DNAH11: variants seen among roughly 807,000 people sequenced by gnomAD.
The protein encoded by DNAH11 is dynein axonemal heavy chain 11.
Under a neutral mutation model 526.0 loss-of-function variants are expected in DNAH11, and 442 were observed. The observed-to-expected ratio is 0.84, with a 90% CI of 0.78 to 0.91. The LOEUF (loss-of-function observed/expected upper bound fraction) is 0.91, where lower values mean the gene tolerates loss of function less well. DNAH11 is among the 40% of genes least tolerant of loss of function. DNAH11 has a pLI of 0.00. For synonymous variants in DNAH11, 2,461 were observed against 1,935.9 expected (o/e 1.27, Z -7.12); for missense variants, 6,989 against 5,448.7 (o/e 1.28, Z -8.90).
At chr7:21,795,891 G>A (rs1489528980) in intron 61 of DNAH11, among the ~76,000 whole-genome samples, 1 of 152,122 alleles carries the variant, frequency 6.6e-6, no homozygotes, top group Non-Finnish European at 1.5e-5. Flanking sequence ...GTTTCCTCTT[G>A]AATCCAGTCT....
intron 2 of DNAH11, 110 bp from the exon 3 acceptor site, chr7:21,558,692 T>C: frequency 3.3e-6 from 2 of 607,414 alleles, no homozygotes; most frequent in Non-Finnish European, 5.2e-6. Context: ...TTTGATATCA[T>C]TGGATATTTA....
chr7:21,856,478 G>T (rs557291513), intron 68 of DNAH11, among the ~76,000 whole-genome samples: 6 of 152,284 alleles, frequency 3.9e-5, no homozygotes, highest in Admixed American at 1.3e-4. Context: ...TAAATCATCA[G>T]TGTCAGCCCA....
intron 32 of DNAH11, 29 bp from the exon 33 acceptor site, chr7:21,687,068 CTG>C: frequency 6.3e-7 from 1 of 1,589,100 alleles, no homozygotes; most frequent in African/African-American, 1.3e-5. Context: ...TCATATTAGA[CTG>C]TGATGTTTGT....
In DNAH11 at chr7:21,606,521, G is replaced by C; in HGVS notation, c.3744G>C (p.Arg1248Ser). 6.2e-7 allele frequency: 1 copy of C among 1,608,300 alleles called. No individual in the cohort carries two copies. Among genetic ancestry groups the C allele is most frequent in the Non-Finnish European group, 8.5e-7 (1 of 1,178,556 alleles). Reference sequence around the variant, plus strand: ...ATAATGCGGAAGTCACTCTTATAAGGAAAAAATGTATTTTGTTTGACGTAA... The same window carrying C: ...ATAATGCGGAAGTCACTCTTATAAGCAAAAAATGTATTTTGTTTGACGTAA... ...PLHNAEVTLIRKKCILFDAKQ... is the reference protein window; with the variant it reads ...PLHNAEVTLISKKCILFDAKQ... Residue 1248 changes from arginine to serine, a missense_variant, in exon 19 of 82, where the codon AGG becomes AGC. By Grantham distance (110) the Arg-to-Ser change is moderately radical. Coordinates refer to ENST00000409508, the MANE Select transcript of DNAH11 (RefSeq NM_001277115.2).
At chr7:21,635,493 C>G (rs1399458495) in intron 25 of DNAH11, among the ~76,000 whole-genome samples, 1 of 152,070 alleles carries the variant, frequency 6.6e-6, no homozygotes, top group Non-Finnish European at 1.5e-5. Context: ...CCTATACAAT[C>G]TTGGCATGAC....
rs753659169 is a variant in DNAH11 at position 21,677,659 on chromosome 7, A to G, written c.5329-3887A>G. On this transcript the variant is annotated intron_variant, in intron 30 of 81. Transcript: ENST00000409508. ...CTGGGCCTCCCAAAGTGCTGAGATT[A>G]CAGGCATGAGCCATCACGGCCAGCC... Among the ~76,000 whole-genome samples, 99 of 152,352 alleles carry G rather than the reference A, an allele frequency of 6.5e-4. 1 individual carries two copies. The Middle Eastern group carries it at 0.024, about 37-fold the overall frequency.
At chr7:21,770,654 T>A (rs1337749497) in intron 55 of DNAH11, among the ~76,000 whole-genome samples, 1 of 152,190 alleles carries the variant, frequency 6.6e-6, no homozygotes, top group Admixed American at 6.5e-5. Context: ...TAGTCTTAAA[T>A]CCTTCTTTTG....
At chr7:21,774,582 T>C (rs1032490188) in intron 56 of DNAH11, among the ~76,000 whole-genome samples, 2 of 152,198 alleles carry the variant, frequency 1.3e-5, no homozygotes, top group Admixed American at 6.5e-5. Flanking sequence ...GTACACATAT[T>C]ATCATTATTT....
chr7:21,754,553 T>G (rs1378428640), intron 54 of DNAH11, among the ~76,000 whole-genome samples: 1 of 150,200 alleles, frequency 6.7e-6, no homozygotes, highest in East Asian at 2.1e-4. Flanking sequence ...TTGAGTTAGA[T>G]GTGGATAATT....
At chr7:21,734,244 G>A (rs1489043997) in intron 45 of DNAH11, among the ~76,000 whole-genome samples, 1 of 152,102 alleles carries the variant, frequency 6.6e-6, no homozygotes. Context: ...CTCTTTATAG[G>A]TTTGTTATGG....
At chr7:21,628,297 A>G (rs115398853) in intron 25 of DNAH11, among the ~76,000 whole-genome samples, 25 of 152,136 alleles carry the variant, frequency 1.6e-4, no homozygotes, top group African/African-American at 5.5e-4. Context: ...TCTCTTGCCT[A>G]ATTGCTCTGA....
intron 14 of DNAH11, 119 bp from the exon 15 acceptor site, chr7:21,599,668 G>T: frequency 1.4e-6 from 1 of 704,758 alleles, no homozygotes; most frequent in Non-Finnish European, 2.1e-6. Flanking sequence ...GTATTTGAAT[G>T]TTCCTGTCTT....
At chr7:21,690,961 G>T (rs915819993) in intron 35 of DNAH11, 80 bp downstream of exon 35, 5 of 1,025,098 alleles carry the variant, frequency 4.9e-6, no homozygotes, top group Non-Finnish European at 7.2e-6. Context: ...TAAGTGGTTT[G>T]CTTTTACTTG....
intron 21 of DNAH11, among the ~76,000 whole-genome samples, chr7:21,615,541 T>C (rs1320243297): frequency 3.3e-5 from 5 of 151,332 alleles, no homozygotes; most frequent in South Asian, 2.1e-4. Context: ...GTAAAGAATA[T>C]AAATAAAATA....
Position 21,705,563 on chromosome 7 carries a change from C to G in DNAH11, c.6546+26C>G, listed in dbSNP as rs374360297. The stretch of plus-strand genomic sequence containing the variant: ...GTATAGTAAATTGCCTAATAGCTTA[C>G]AGCTATGGAAAGAACATTTGTTGTC... On this transcript the variant is annotated intron_variant, in intron 39 of 81. Transcript: ENST00000409508. The G allele has an allele frequency of 1.6e-4, 259 of 1,598,452 alleles. No homozygotes were observed. In the African/African-American group the frequency reaches 3.0e-3, roughly 18 times the overall value.
At chr7:21,883,196 C>T (rs1427025754) in intron 75 of DNAH11, among the ~76,000 whole-genome samples, 2 of 152,270 alleles carry the variant, frequency 1.3e-5, no homozygotes, top group African/African-American at 4.8e-5. Context: ...TGTTCTGTCA[C>T]ATCACGCAAC....
intron 55 of DNAH11, 133 bp downstream of exon 55, chr7:21,765,722 ATTTG>A (rs1475288765): frequency 1.4e-5 from 17 of 1,255,578 alleles, no homozygotes; most frequent in Non-Finnish European, 1.8e-5. Context: ...AGCTATCCTG[ATTTG>A]TTTAAGATGC....
At chr7:21,738,218 G>A (rs746041198) in intron 46 of DNAH11, among the ~76,000 whole-genome samples, 2 of 152,148 alleles carry the variant, frequency 1.3e-5, no homozygotes, top group Non-Finnish European at 2.9e-5. Flanking sequence ...CTACCTTGTG[G>A]ATAGTGTCTA....
rs546023715 is a variant in DNAH11, at chr7:21,545,965, C to T, written c.495+816C>T. Among the ~76,000 whole-genome samples, 16 of 152,254 alleles carry T rather than the reference C, an allele frequency of 1.1e-4. 1 individual carries two copies. The highest frequency in any genetic ancestry group is 1.0e-3 in the South Asian group (5 of 4,822). On this transcript the variant is annotated intron_variant, in intron 2 of 81. Transcript: ENST00000409508. The stretch of plus-strand genomic sequence containing the variant: ...CACACCCATACCAGTTAATTTAGAA[C>T]GTCCTGAATGGGAGCCAAGTAGCAG...
Sources: gnomAD v4.1 joint callset for allele counts (sites outside exome capture counted in the v4.1 genomes callset) on GRCh38, gnomAD v4.1.1 for gene constraint, MANE v1.5 for transcripts, NCBI Gene and HGNC (gene_info 2026-07-23, HGNC 2026-07-21) for gene names.